ACE: variants seen among roughly 807,000 people sequenced by gnomAD.
The protein encoded by ACE is angiotensin-converting enzyme.
In ACE, 122 loss-of-function variants were observed where a neutral mutation model predicts 162.3. The observed-to-expected ratio is 0.75, with a 90% CI of 0.65 to 0.87. The LOEUF (loss-of-function observed/expected upper bound fraction) is 0.87, where lower values mean the gene tolerates loss of function less well. ACE is among the 40% of genes least tolerant of loss of function. The pLI, the probability that ACE is intolerant of heterozygous loss-of-function variation, is 0.00. For synonymous variants in ACE, 796 were observed against 720.6 expected (o/e 1.10, Z -1.68); for missense variants, 1,799 against 1,735.1 (o/e 1.04, Z -0.65).
Position 63,489,117 on chromosome 17 carries a change from CCTGCT to C in ACE, c.2628_2632del (p.Ala877ProfsTer15). ...GCACATCAACCTGGAGGGGCCCATTCCTGCTCACCTGCTGGGTAAGGGCACATGTC... is the reference window on the plus strand; with the variant it reads ...GCACATCAACCTGGAGGGGCCCATTCCACCTGCTGGGTAAGGGCACATGTC... On this transcript the variant is annotated frameshift_variant, in exon 17 of 25. Transcript: ENST00000290866. LOFTEE classifies it high-confidence loss of function. 1 of 1,610,034 alleles carries C rather than the reference CCTGCT, an allele frequency of 6.2e-7. No homozygotes were observed. The highest frequency in any genetic ancestry group is 8.5e-7 in the Non-Finnish European group (1 of 1,179,998).
rs1555670167 is a variant in ACE at position 63,486,970 on chromosome 17, C to CT, written c.2218-15dup. 6.2e-7 allele frequency: 1 copy of CT among 1,608,786 alleles called. No individual in the cohort carries two copies. Among genetic ancestry groups the CT allele is most frequent in the African/African-American group, 1.3e-5 (1 of 74,796 alleles). On this transcript the variant is annotated splice_polypyrimidine_tract_variant and intron_variant, in intron 14 of 24. Coordinates refer to ENST00000290866, the MANE Select transcript of ACE (RefSeq NM_000789.4). ...TGCAAAGGAGTACAGCTCATTGCCT[C>CT]TCCTTCCTCCTGCAGTACAACAAGA...
At chr17:63,497,084 C>A in intron 24 of ACE, 53 bp from the exon 25 acceptor site, 1 of 1,590,750 alleles carries the variant, frequency 6.3e-7, no homozygotes. Flanking sequence ...GCCCCGCACC[C>A]TTGCCCTGCC....
chr17:63,488,278 G>A (rs1174609719), intron 15 of ACE, among the ~76,000 whole-genome samples: 2 of 150,702 alleles, frequency 1.3e-5, no homozygotes, highest in Non-Finnish European at 3.0e-5. Context: ...AGGATTGCTT[G>A]AGCCTGGGAG....
At chr17:63,480,616 G>C (rs2049691178) in intron 5 of ACE, 88 bp downstream of exon 5, 2 of 1,447,462 alleles carry the variant, frequency 1.4e-6, no homozygotes, top group Admixed American at 3.4e-5. Flanking sequence ...AAGGGAAGGT[G>C]GGTTGTGACC....
Position 63,487,068 on chromosome 17 carries a change from A to G in ACE, c.2300A>G (p.Glu767Gly), listed in dbSNP as rs1421152152. ...CCGAATGGCAGCTGCCTGCAGCTCG[A>G]GCCAGGTGAGAGCTCATGTGCAGGC... is the stretch of plus-strand genomic sequence containing the variant. ...CHPNGSCLQL[E>G]PDLTNVMATS... is the part of the protein sequence containing the mutation. Residue 767 changes from glutamate to glycine, a missense_variant, in exon 15 of 25, where the codon GAG becomes GGG. Transcript: ENST00000290866. 1.9e-6 allele frequency: 3 copies of G among 1,613,174 alleles called. No individual in the cohort carries two copies. Among genetic ancestry groups the G allele is most frequent in the Non-Finnish European group, 2.5e-6 (3 of 1,179,852 alleles).
In ACE at chr17:63,491,015, C is replaced by A; in HGVS notation, c.2703C>A (p.Ala901=). 1 of 1,614,224 alleles carries A rather than the reference C, an allele frequency of 6.2e-7. No individual in the cohort carries two copies. The highest frequency in any genetic ancestry group is 8.5e-7 in the Non-Finnish European group (1 of 1,180,038). ...ACTTGGTGGTGCCCTTCCCTTCAGCCCCCTCGATGGACACCACAGAGGCTA... is the reference window on the plus strand; with the variant it reads ...ACTTGGTGGTGCCCTTCCCTTCAGCACCCTCGATGGACACCACAGAGGCTA... ...IYDLVVPFPS[A]PSMDTTEAML... The change falls in exon 18 of 25, where the codon GCC becomes GCA. Residue 901 remains alanine, a synonymous_variant. Coordinates refer to ENST00000290866, the MANE Select transcript of ACE (RefSeq NM_000789.4). The surrounding 1 kb of genome is among the most constrained non-coding windows in gnomAD (Gnocchi z 4.4).
At chr17:63,477,812 A>C (rs1270313009) in intron 1 of ACE, 119 bp from the exon 2 acceptor site, 2 of 1,291,974 alleles carry the variant, frequency 1.5e-6, no homozygotes, top group Admixed American at 4.2e-5. Context: ...GGATCTCCCC[A>C]GGGCCCGGGC....
At position 63,484,687 on chromosome 17, in the gene ACE, CA is replaced by C; in HGVS notation, c.1921+147del. The C allele has an allele frequency of 1.4e-6, 2 of 1,445,884 alleles. No homozygotes were observed. Among genetic ancestry groups the C allele is most frequent in the East Asian group, 5.0e-5 (2 of 40,238 alleles). The allele number at this position is 1,445,884 out of a possible 1,614,324, so 89.6% of individuals were successfully genotyped here. On this transcript the variant is annotated intron_variant, in intron 12 of 24. Transcript: ENST00000290866. The surrounding 1 kb of genome is among the most constrained non-coding windows in gnomAD (Gnocchi z 4.0). Reference sequence around the variant, plus strand: ...CCAGGCAGCCCCCCAAGCTCATCAGCAGGGCCTGCGAGTGGGGACAGGCATG... The same window carrying C: ...CCAGGCAGCCCCCCAAGCTCATCAGCGGGCCTGCGAGTGGGGACAGGCATG...
Position 63,477,831 on chromosome 17 carries a change from C to T in ACE, c.250-100C>T, listed in dbSNP as rs1187012010. Reference sequence around the variant, plus strand: ...CTCCCCAGGGCCCGGGCTCTGGAAGCCCTTGGCCTTCCTCCCCTCCCCCAG... The same window carrying T: ...CTCCCCAGGGCCCGGGCTCTGGAAGTCCTTGGCCTTCCTCCCCTCCCCCAG... On this transcript the variant is annotated intron_variant, in intron 1 of 24. Coordinates refer to ENST00000290866, the MANE Select transcript of ACE (RefSeq NM_000789.4). 8 of 1,448,330 alleles carry T rather than the reference C, an allele frequency of 5.5e-6. 1 individual carries two copies. The South Asian group carries it at 8.6e-5, about 16-fold the overall frequency. The allele number at this position is 1,448,330 out of a possible 1,614,324, so 89.7% of individuals were successfully genotyped here.
chr17:63,494,347 T>C (rs750894895), intron 21 of ACE, 25 bp from the exon 22 acceptor site: 2 of 1,608,742 alleles, frequency 1.2e-6, no homozygotes, highest in Middle Eastern at 1.7e-4. Flanking sequence ...AAACTCATCT[T>C]CCAACATATA....
intron 19 of ACE, among the ~76,000 whole-genome samples, chr17:63,492,731 A>G (rs2030463763): frequency 6.6e-6 from 1 of 152,238 alleles, no homozygotes; most frequent in Non-Finnish European, 1.5e-5. Context: ...TTGCTAAACA[A>G]CAAGGAAGGG....
At position 63,484,192 on chromosome 17, in the gene ACE, C is replaced by T; in HGVS notation, c.1710-138C>T. The T allele has an allele frequency of 8.0e-7, 1 of 1,243,098 alleles. No individual in the cohort carries two copies. The highest frequency in any genetic ancestry group is 1.1e-6 in the Non-Finnish European group (1 of 886,184). The allele number at this position is 1,243,098 out of a possible 1,614,324, so 77.0% of individuals were successfully genotyped here. A position where few individuals can be genotyped will look rare whatever the true frequency, so the allele number is the denominator to read the frequency against. Reference sequence around the variant, plus strand: ...TGCCCCCTGCCACCATCAGAGAGATCCCAGGCCCCAGGGTCTTATTGCCAC... The same window carrying T: ...TGCCCCCTGCCACCATCAGAGAGATTCCAGGCCCCAGGGTCTTATTGCCAC... On this transcript the variant is annotated intron_variant, in intron 11 of 24. Transcript: ENST00000290866. The surrounding 1 kb of genome is among the most constrained non-coding windows in gnomAD (Gnocchi z 4.0).
rs1158801152 is a variant in ACE, at chr17:63,491,905, A to C, written c.2912+524A>C. ...TTGCTTATGATTTTATGTGCCAGGA[A>C]TTCAGGCAGTACACAGTGGAAATGG... is the stretch of plus-strand genomic sequence containing the variant. On this transcript the variant is annotated intron_variant, in intron 19 of 24. Transcript: ENST00000290866. The surrounding 1 kb of genome is among the most constrained non-coding windows in gnomAD (Gnocchi z 4.4). Among the ~76,000 whole-genome samples, 2 of 152,220 alleles carry C rather than the reference A, an allele frequency of 1.3e-5. No homozygotes were observed. The highest frequency in any genetic ancestry group is 4.8e-5 in the African/African-American group (2 of 41,464).
intron 15 of ACE, among the ~76,000 whole-genome samples, chr17:63,487,882 G>A (rs1370719830): frequency 2.6e-5 from 4 of 152,202 alleles, no homozygotes; most frequent in Admixed American, 6.5e-5. Context: ...CAGGAGAAAC[G>A]GTTTTCCCAG....
intron 19 of ACE, among the ~76,000 whole-genome samples, chr17:63,493,103 A>G (rs970842151): frequency 6.6e-6 from 1 of 152,228 alleles, no homozygotes; most frequent in African/African-American, 2.4e-5. Flanking sequence ...CCCACTGGCC[A>G]CACATTCTCT....
Position 63,490,959 on chromosome 17 carries a change from A to G in ACE, c.2647A>G (p.Met883Val), listed in dbSNP as rs774518339. The G allele has an allele frequency of 1.2e-6, 2 of 1,614,120 alleles. No individual in the cohort carries two copies. The highest frequency in any genetic ancestry group is 1.1e-5 in the South Asian group (1 of 91,082). ...GPIPAHLLGN[M>V]WAQTWSNIYD... ...TCCCCCACACTCGCCTCCAGGGAAC[A>G]TGTGGGCGCAGACCTGGTCCAACAT... Residue 883 changes from methionine (M) to valine (V), a missense_variant, in exon 18 of 25, where the codon ATG becomes GTG. Transcript: ENST00000290866.
chr17:63,480,500 C>T lies in ACE; in HGVS notation c.819C>T (p.Leu273=), dbSNP rs148882466. The change falls in exon 5 of 25, where the codon CTC becomes CTT. Residue 273 remains leucine, a synonymous_variant. Coordinates refer to ENST00000290866, the MANE Select transcript of ACE (RefSeq NM_000789.4). ...HRRYGDRYIN[L]RGPIPAHLLG... ...GATACGGAGACAGATACATCAACCT[C>T]AGGGGACCCATCCCTGCTCATCTGC... 1.9e-5 allele frequency: 31 copies of T among 1,613,966 alleles called. No homozygotes were observed. The African/African-American group carries it at 3.3e-4, about 17-fold the overall frequency.
At chr17:63,480,619 T>A in intron 5 of ACE, 91 bp downstream of exon 5, 2 of 1,403,758 alleles carry the variant, frequency 1.4e-6, no homozygotes, top group Non-Finnish European at 2.0e-6. Context: ...GGAAGGTGGG[T>A]TGTGACCCTC....
chr17:63,484,315 C>T lies in ACE; in HGVS notation c.1710-15C>T, dbSNP rs561475683. 1 of 1,606,940 alleles carries T rather than the reference C, an allele frequency of 6.2e-7. No homozygotes were observed. The highest frequency in any genetic ancestry group is 1.7e-5 in the Admixed American group (1 of 59,646). On this transcript the variant is annotated splice_polypyrimidine_tract_variant and intron_variant, in intron 11 of 24. Coordinates refer to ENST00000290866, the MANE Select transcript of ACE (RefSeq NM_000789.4). This position sits in a 1 kb window ranked among gnomAD's most constrained non-coding sequence, Gnocchi z 4.0. ...CTGAGTCCCCTGTGCCCATGGTACCCACTCTGCCCACCAGGAAGGTGCTGC... is the reference window on the plus strand; with the variant it reads ...CTGAGTCCCCTGTGCCCATGGTACCTACTCTGCCCACCAGGAAGGTGCTGC...
Sources: allele counts gnomAD v4.1 joint callset (sites outside exome capture counted in the v4.1 genomes callset), GRCh38; gene constraint gnomAD v4.1.1; non-coding constraint Gnocchi (gnomAD v3.1); transcripts MANE v1.5; gene names NCBI Gene and HGNC (gene_info 2026-07-23, HGNC 2026-07-21).